DYNC2H1: variants seen among roughly 807,000 people sequenced by gnomAD.
The protein encoded by DYNC2H1 is dynein cytoplasmic 2 heavy chain 1.
DYNC2H1 carries 410 observed loss-of-function variants against 570.0 expected under a neutral mutation model. That is an observed-to-expected ratio of 0.72 (90% CI 0.66 to 0.78). The LOEUF (loss-of-function observed/expected upper bound fraction) is 0.78. Ranked by LOEUF, DYNC2H1 falls within the 30% of genes least tolerant of loss-of-function variation. DYNC2H1 has a pLI of 0.00. For missense variants in DYNC2H1, 4,865 were observed against 5,046.4 expected, an observed-to-expected ratio of 0.96 and a Z score of 1.09; for synonymous variants, 1,688 against 1,677.6, an observed-to-expected ratio of 1.01 and a Z score of -0.15.
chr11:103,161,449 T>G (rs1861089148), intron 29 of DYNC2H1, among the ~76,000 whole-genome samples: 1 of 152,084 alleles, frequency 6.6e-6, no homozygotes, highest in Non-Finnish European at 1.5e-5. Flanking sequence ...TTTGTTAGAT[T>G]TTGGACTATT....
intron 70 of DYNC2H1, among the ~76,000 whole-genome samples, chr11:103,271,440 A>G (rs1288444199): frequency 6.6e-6 from 1 of 152,238 alleles, no homozygotes; most frequent in Non-Finnish European, 1.5e-5. Context: ...AGCTTAAAGC[A>G]TGACTTCTCT....
In DYNC2H1 at chr11:103,280,381, C is replaced by A; in HGVS notation, c.10729C>A (p.Arg3577=). 6.4e-7 allele frequency: 1 copy of A among 1,555,658 alleles called. No individual in the cohort carries two copies. The highest frequency in any genetic ancestry group is 8.7e-7 in the Non-Finnish European group (1 of 1,148,330). Residue 3577 remains arginine, a synonymous_variant, in exon 71 of 89, where the codon CGA becomes AGA. Coordinates refer to ENST00000375735, the MANE Select transcript of DYNC2H1 (RefSeq NM_001377.3). This position sits in a 1 kb window ranked among gnomAD's most constrained non-coding sequence, Gnocchi z 4.7. ...DQLMFALHFV[R]GMHPELFQEN... The stretch of plus-strand genomic sequence containing the variant: ...GTTGATGTTCGCTTTGCATTTTGTT[C>A]GAGGCATGCATCCTGAACTTTTTCA...
chr11:103,215,717 G>A lies in DYNC2H1; in HGVS notation c.8695-4G>A. Reference sequence around the variant, plus strand: ...TATTGCCGATCAATATTTTATTGATGTAGGCTGGTGTATCTAAACTAAATG... The same window carrying A: ...TATTGCCGATCAATATTTTATTGATATAGGCTGGTGTATCTAAACTAAATG... On this transcript the variant is annotated splice_polypyrimidine_tract_variant and splice_region_variant and intron_variant, in intron 54 of 88. Transcript: ENST00000375735. 1 of 1,591,454 alleles carries A rather than the reference G, an allele frequency of 6.3e-7. No individual in the cohort carries two copies.
chr11:103,302,503 A>T (rs900682847), intron 75 of DYNC2H1, among the ~76,000 whole-genome samples: 1 of 152,082 alleles, frequency 6.6e-6, no homozygotes, highest in Non-Finnish European at 1.5e-5. Flanking sequence ...ATATAAACTG[A>T]CAGCTATGTA....
chr11:103,464,205 C>A (rs1046613230), intron 87 of DYNC2H1, among the ~76,000 whole-genome samples: 14 of 152,032 alleles, frequency 9.2e-5, no homozygotes, highest in African/African-American at 3.1e-4. Context: ...TACAAAATAA[C>A]AAGAACTTCT....
In DYNC2H1 at chr11:103,181,909, T is replaced by C. The variant is rs1264991431; in HGVS notation, c.6477+23T>C. ...CAGGTAAATTAACCATAATATTTCA[T>C]AATTAATCGAGGTGAGAAGTATGAT... On this transcript the variant is annotated intron_variant, in intron 40 of 88. Transcript: ENST00000375735. This position sits in a 1 kb window ranked among gnomAD's most constrained non-coding sequence, Gnocchi z 5.0. The C allele has an allele frequency of 6.3e-7, 1 of 1,594,250 alleles. No individual in the cohort carries two copies. The highest frequency in any genetic ancestry group is 1.7e-4 in the Middle Eastern group (1 of 5,968).
chr11:103,315,314 A>G (rs1010058214), intron 79 of DYNC2H1, among the ~76,000 whole-genome samples: 2 of 152,080 alleles, frequency 1.3e-5, no homozygotes, highest in Admixed American at 1.3e-4. Context: ...TTAATTGACG[A>G]AAACATGGCC....
chr11:103,426,003 C>T (rs1198858213), intron 84 of DYNC2H1, among the ~76,000 whole-genome samples: 1 of 152,120 alleles, frequency 6.6e-6, no homozygotes, highest in Non-Finnish European at 1.5e-5. Context: ...GATGCCCACG[C>T]TGAAGGTTGT....
In DYNC2H1 at chr11:103,177,682, A is replaced by G; in HGVS notation, c.6001A>G (p.Lys2001Glu). The G allele has an allele frequency of 6.2e-7, 1 of 1,613,410 alleles. No homozygotes were observed. Among genetic ancestry groups the G allele is most frequent in the Non-Finnish European group, 8.5e-7 (1 of 1,179,658 alleles). Reference sequence around the variant, plus strand: ...AAGGGCTGCGCTTTGTAAAACTGGCAAAGTAGTGAAACAATATACTATGAA... The same window carrying G: ...AAGGGCTGCGCTTTGTAAAACTGGCGAAGTAGTGAAACAATATACTATGAA... ...MLRAALCKTG[K>E]VVKQYTMNPK... Residue 2001 changes from lysine (K) to glutamate (E), a missense_variant, in exon 38 of 89, where the codon AAA (lysine) becomes GAA (glutamate). Lys to Glu is a moderately conservative substitution (Grantham distance 56, BLOSUM62 1). Transcript: ENST00000375735. This position sits in a 1 kb window ranked among gnomAD's most constrained non-coding sequence, Gnocchi z 4.4.
At chr11:103,321,341 T>A (rs1347798918) in intron 81 of DYNC2H1, 104 bp downstream of exon 81, 3 of 1,123,034 alleles carry the variant, frequency 2.7e-6, no homozygotes, top group Non-Finnish European at 3.9e-6. Context: ...CAAGTAATTA[T>A]TCACAGTTTG....
chr11:103,153,210 TCAC>T, intron 21 of DYNC2H1, 90 bp from the exon 22 acceptor site: 1 of 1,133,562 alleles, frequency 8.8e-7, no homozygotes, highest in Middle Eastern at 3.0e-4. Flanking sequence ...TGATATTTTT[TCAC>T]TTTTAAATAG....
intron 84 of DYNC2H1, among the ~76,000 whole-genome samples, chr11:103,419,757 A>G (rs1943415494): frequency 2.0e-5 from 3 of 152,178 alleles, no homozygotes; most frequent in African/African-American, 7.2e-5. Flanking sequence ...CCTCTACTGC[A>G]AGGGCACAGA....
chr11:103,235,026 G>C (rs694270), intron 61 of DYNC2H1, among the ~76,000 whole-genome samples: 114,661 of 151,622 alleles, frequency 0.76, 43,887 homozygotes, highest in Admixed American at 0.83. Context: ...TTTCTCATCT[G>C]ACTTTTTTAA....
In DYNC2H1 at chr11:103,186,469, T is replaced by C; in HGVS notation, c.6861T>C (p.Phe2287=). The C allele has an allele frequency of 6.2e-7, 1 of 1,611,922 alleles. No homozygotes were observed. Among genetic ancestry groups the C allele is most frequent in the Non-Finnish European group, 8.5e-7 (1 of 1,179,000 alleles). ...TAAGTTCTGATACTAAACAGCCCTT[T>C]ATTCTGGTAGGACCAGAAGGATGTG... ...PWLSSDTKQP[F]ILVGPEGCGK... Residue 2287 remains phenylalanine, a synonymous_variant, in exon 42 of 89, where the codon TTT becomes TTC. Coordinates refer to ENST00000375735, the MANE Select transcript of DYNC2H1 (RefSeq NM_001377.3). This position sits in a 1 kb window ranked among gnomAD's most constrained non-coding sequence, Gnocchi z 4.5.
chr11:103,125,583 T>C (rs1858955086), intron 12 of DYNC2H1, among the ~76,000 whole-genome samples: 1 of 152,222 alleles, frequency 6.6e-6, no homozygotes, highest in Non-Finnish European at 1.5e-5. Flanking sequence ...TAAAGGGCCT[T>C]CTAATTAAGG....
At chr11:103,308,625 C>T (rs1028185242) in intron 78 of DYNC2H1, among the ~76,000 whole-genome samples, 1 of 152,120 alleles carries the variant, frequency 6.6e-6, no homozygotes, top group East Asian at 1.9e-4. Context: ...TAGCACTGAA[C>T]AATTTGTCCA....
intron 82 of DYNC2H1, among the ~76,000 whole-genome samples, chr11:103,338,574 ATTC>A (rs1181465778): frequency 3.3e-5 from 5 of 152,116 alleles, no homozygotes; most frequent in Admixed American, 1.3e-4. Context: ...AAGCTCACCA[ATTC>A]TTCTTCTGCC....
chr11:103,166,381 G>A (rs537481825), intron 31 of DYNC2H1, among the ~76,000 whole-genome samples: 2 of 152,184 alleles, frequency 1.3e-5, no homozygotes, highest in South Asian at 4.2e-4. Flanking sequence ...AAAACTCGAG[G>A]AGAACAATCT....
intron 85 of DYNC2H1, among the ~76,000 whole-genome samples, chr11:103,454,553 T>G (rs1009780954): frequency 6.6e-6 from 1 of 152,156 alleles, no homozygotes; most frequent in East Asian, 1.9e-4. Context: ...TGCAGGGTCA[T>G]GGTAAGTGTA....
Sources: gnomAD v4.1 joint callset for allele counts (sites outside exome capture counted in the v4.1 genomes callset) on GRCh38, gnomAD v4.1.1 for gene constraint, Gnocchi (gnomAD v3.1) non-coding constraint, MANE v1.5 for transcripts, NCBI Gene and HGNC (gene_info 2026-07-23, HGNC 2026-07-21) for gene names.